ITPK1: variants seen among roughly 807,000 people sequenced by gnomAD.
The protein encoded by ITPK1 is inositol 1,3,4-trisphosphate 5/6-kinase.
In ITPK1, 21 loss-of-function variants were observed where a neutral mutation model predicts 45.3. That is an observed-to-expected ratio of 0.46 (90% CI 0.33 to 0.67). The LOEUF (loss-of-function observed/expected upper bound fraction) is 0.67, where lower values mean the gene tolerates loss of function less well. ITPK1 is among the 30% of genes least tolerant of loss of function. The pLI is 0.02. For missense variants in ITPK1, 474 were observed against 573.5 expected (o/e 0.83, Z 1.77); for synonymous variants, 258 against 253.6 (o/e 1.02, Z -0.16).
chr14:93,018,846 G>A (rs189610393), intron 3 of ITPK1, among the ~76,000 whole-genome samples: 5 of 152,316 alleles, frequency 3.3e-5, no homozygotes, highest in African/African-American at 7.2e-5. Context: ...CAGGTGAAGC[G>A]GCCAGGATGG....
At chr14:92,962,972 C>T (rs1885169974) in intron 5 of ITPK1, 123 bp from the exon 6 acceptor site, 1 of 612,470 alleles carries the variant, frequency 1.6e-6, no homozygotes, top group Non-Finnish European at 2.9e-6. Flanking sequence ...TCTGACCGTC[C>T]CCAACCTCTG....
intron 2 of ITPK1, among the ~76,000 whole-genome samples, chr14:93,095,116 G>A (rs886307058): frequency 7.9e-5 from 12 of 152,060 alleles, no homozygotes; most frequent in African/African-American, 2.4e-4. Flanking sequence ...CTGGGCTCCC[G>A]GGGTGCAGGA....
At chr14:92,949,429 T>A (rs1360327115) in intron 9 of ITPK1, among the ~76,000 whole-genome samples, 2 of 152,216 alleles carry the variant, frequency 1.3e-5, no homozygotes, top group Non-Finnish European at 2.9e-5. Flanking sequence ...CCTGGGTCAC[T>A]CTTGCCAGTG....
At chr14:93,074,519 G>C (rs1418380395) in intron 3 of ITPK1, among the ~76,000 whole-genome samples, 1 of 152,220 alleles carries the variant, frequency 6.6e-6, no homozygotes, top group Non-Finnish European at 1.5e-5. Flanking sequence ...AGGCATGGGG[G>C]AAGGCTGTCT....
rs1156490014 is a variant in ITPK1, at chr14:93,087,673, GGCTCCCACA to G, written c.96-11063_96-11055del. On this transcript the variant is annotated intron_variant, in intron 2 of 10. Coordinates refer to ENST00000267615, the MANE Select transcript of ITPK1 (RefSeq NM_014216.6). ...CTTACTTTGCCCACCACAACCCCAA[GGCTCCCACA>G]GCTCTGCCATCCCAGGATTCTCAGA... Among the ~76,000 whole-genome samples the G allele has an allele frequency of 3.9e-5, 6 of 152,338 alleles. No individual in the cohort carries two copies. In the East Asian group the frequency reaches 1.2e-3, roughly 29 times the overall value.
chr14:92,957,990 C>G (rs974818724), intron 8 of ITPK1, among the ~76,000 whole-genome samples: 1 of 152,140 alleles, frequency 6.6e-6, no homozygotes, highest in Non-Finnish European at 1.5e-5. Context: ...GGGTGGGGCC[C>G]CCTACAATGA....
At chr14:93,046,605 G>A (rs1247483557) in intron 3 of ITPK1, among the ~76,000 whole-genome samples, 15 of 142,752 alleles carry the variant, frequency 1.1e-4, no homozygotes, top group Admixed American at 8.9e-4. Flanking sequence ...GGGGGGGGGC[G>A]GCGGGGGGAA....
chr14:93,033,705 A>G (rs1403707507), intron 3 of ITPK1, among the ~76,000 whole-genome samples: 1 of 152,182 alleles, frequency 6.6e-6, no homozygotes, highest in African/African-American at 2.4e-5. Flanking sequence ...GGCGCTAGAG[A>G]GAGACAGACA....
At chr14:93,059,319 C>T (rs1165264725) in intron 3 of ITPK1, among the ~76,000 whole-genome samples, 12 of 19,570 alleles carry the variant, frequency 6.1e-4, no homozygotes, top group African/African-American at 2.4e-3. Flanking sequence ...GGAGGGGGTG[C>T]GGGTCCTAAG....
intron 2 of ITPK1, among the ~76,000 whole-genome samples, chr14:93,113,716 A>C (rs1291868940): frequency 6.6e-6 from 1 of 152,182 alleles, no homozygotes; most frequent in Non-Finnish European, 1.5e-5. Context: ...TTTCTTCATG[A>C]ATTGCTGGGG....
At chr14:93,031,452 T>C (rs1889057572) in intron 3 of ITPK1, among the ~76,000 whole-genome samples, 1 of 152,232 alleles carries the variant, frequency 6.6e-6, no homozygotes, top group African/African-American at 2.4e-5. Flanking sequence ...GCTTCATACA[T>C]GGCAGTTGCC....
chr14:93,044,803 G>A (rs1289754022), intron 3 of ITPK1, among the ~76,000 whole-genome samples: 1 of 152,214 alleles, frequency 6.6e-6, no homozygotes, highest in Non-Finnish European at 1.5e-5. Flanking sequence ...GGAGGAAGAG[G>A]AAGAAGCAAG....
intron 8 of ITPK1, among the ~76,000 whole-genome samples, chr14:92,956,248 T>A (rs1884722356): frequency 6.6e-6 from 1 of 151,838 alleles, no homozygotes; most frequent in Admixed American, 6.6e-5. Flanking sequence ...GCCTCCTTAG[T>A]AGCTGGGACT....
At chr14:93,042,088 C>T (rs116557898) in intron 3 of ITPK1, among the ~76,000 whole-genome samples, 3,182 of 152,244 alleles carry the variant, frequency 0.021, 103 homozygotes, top group African/African-American at 0.072. Context: ...CTCACCCAGT[C>T]CTCACAACAC....
chr14:92,992,088 C>T (rs1886818846), intron 5 of ITPK1, among the ~76,000 whole-genome samples: 1 of 152,184 alleles, frequency 6.6e-6, no homozygotes, highest in Admixed American at 6.5e-5. Context: ...CTTTTGGCTC[C>T]AAAAGGCCCT....
At chr14:93,052,831 C>G (rs997708848) in intron 3 of ITPK1, among the ~76,000 whole-genome samples, 2 of 152,068 alleles carry the variant, frequency 1.3e-5, no homozygotes. Flanking sequence ...TCCCAGATGC[C>G]CCAAAGACTT....
chr14:93,091,242 G>A (rs762851458), intron 2 of ITPK1, among the ~76,000 whole-genome samples: 41 of 152,330 alleles, frequency 2.7e-4, no homozygotes, highest in Middle Eastern at 6.8e-3. Context: ...TGATTACAGC[G>A]TCAGCCCAAC....
chr14:92,946,687 G>A (rs1351189991), intron 9 of ITPK1, among the ~76,000 whole-genome samples, 194 bp from the exon 10 acceptor site: 2 of 152,252 alleles, frequency 1.3e-5, no homozygotes, highest in African/African-American at 2.4e-5. Context: ...GGCACGAGGT[G>A]TGTGAGGCTC....
Position 93,014,047 on chromosome 14 carries a change from T to C in ITPK1, c.246+2629A>G, listed in dbSNP as rs1224357159. On this transcript the variant is annotated intron_variant, in intron 4 of 10. Coordinates refer to ENST00000267615, the MANE Select transcript of ITPK1 (RefSeq NM_014216.6). This position sits in a 1 kb window ranked among gnomAD's most constrained non-coding sequence, Gnocchi z 4.4. The stretch of plus-strand genomic sequence containing the variant: ...CCCCGCACCCTTTTCTCCAAAGGAT[T>C]GTTCTCCTCACAAAGGAGGAAACTT... Among the ~76,000 whole-genome samples the C allele has an allele frequency of 1.6e-4, 24 of 152,204 alleles. No homozygotes were observed. The highest frequency in any genetic ancestry group is 5.9e-5 in the Non-Finnish European group (4 of 68,036).
Sources: gnomAD v4.1 joint callset for allele counts (sites outside exome capture counted in the v4.1 genomes callset) on GRCh38, gnomAD v4.1.1 for gene constraint, Gnocchi (gnomAD v3.1) non-coding constraint, MANE v1.5 for transcripts, NCBI Gene and HGNC (gene_info 2026-07-23, HGNC 2026-07-21) for gene names.